ZNF319: variants seen among roughly 807,000 people sequenced by gnomAD.
ZNF319 encodes zinc finger protein 319.
Under a neutral mutation model 46.0 loss-of-function variants are expected in ZNF319, and 15 were observed. The ratio of observed to expected loss-of-function variants is 0.33; its 90% confidence interval spans 0.22 to 0.50. The LOEUF (loss-of-function observed/expected upper bound fraction) is 0.50. Among genes scored for constraint, ZNF319 ranks in the 20% least tolerant of loss-of-function variants. The pLI, the probability that ZNF319 is intolerant of heterozygous loss-of-function variation, is 0.98. For missense variants in ZNF319, 635 were observed against 807.0 expected (o/e 0.79, Z 2.58); for synonymous variants, 368 against 364.0 (o/e 1.01, Z -0.13).
chr16:58,000,420 G>A lies in ZNF319; in HGVS notation c.-1185C>T, dbSNP rs1395477863. ...GCTCACCTGCTCCAGGCCGCCTGCAGGGCAGGCGCGGGGCGAGCGGCGACC... is the reference window on the plus strand; with the variant it reads ...GCTCACCTGCTCCAGGCCGCCTGCAAGGCAGGCGCGGGGCGAGCGGCGACC... On this transcript the variant is annotated 5_prime_UTR_variant, in exon 1 of 2. Transcript: ENST00000299237. This position sits in a 1 kb window ranked among gnomAD's most constrained non-coding sequence, Gnocchi z 4.5. 6.7e-6 allele frequency: 1 copy of A among 150,286 alleles called. No homozygotes were observed. The highest frequency in any genetic ancestry group is 1.5e-5 in the Non-Finnish European group (1 of 67,318). The allele number at this position is 150,286 out of a possible 1,614,324, so 9.3% of individuals were successfully genotyped here.
At position 57,996,404 on chromosome 16, in the gene ZNF319, C is replaced by G; in HGVS notation, c.*113G>C. The G allele has an allele frequency of 2.1e-6, 3 of 1,431,222 alleles. No individual in the cohort carries two copies. Among genetic ancestry groups the G allele is most frequent in the Non-Finnish European group, 1.8e-6 (2 of 1,096,864 alleles). 88.7% of individuals were successfully genotyped at this position (1,431,222 alleles called of 1,614,324 possible). A position where few individuals can be genotyped will look rare whatever the true frequency, so the allele number is the denominator to read the frequency against. Reference sequence around the variant, plus strand: ...CCTCACTCCCGAGGTCTCAGAACACCGAGCTGGGTGGGGCCCTTGGTGCAA... The same window carrying G: ...CCTCACTCCCGAGGTCTCAGAACACGGAGCTGGGTGGGGCCCTTGGTGCAA... On this transcript the variant is annotated 3_prime_UTR_variant, in exon 2 of 2. Transcript: ENST00000299237.
Position 57,998,151 on chromosome 16 carries a change from C to T in ZNF319, c.115G>A (p.Gly39Ser). 2 of 1,578,564 alleles carry T rather than the reference C, an allele frequency of 1.3e-6. No homozygotes were observed. The highest frequency in any genetic ancestry group is 1.7e-6 in the Non-Finnish European group (2 of 1,158,018). Residue 39 changes from glycine to serine, a missense_variant, in exon 2 of 2, where the codon GGC (glycine) becomes AGC (serine). Physicochemically the swap from Gly to Ser is moderately conservative, Grantham distance 56. Coordinates refer to ENST00000299237, the MANE Select transcript of ZNF319 (RefSeq NM_020807.3). ...CAGCCCAGGGGGTTCTCCGCCGTGCCCGGAGGCAGCGTGTGCTCTGCCAGG... is the reference window on the plus strand; with the variant it reads ...CAGCCCAGGGGGTTCTCCGCCGTGCTCGGAGGCAGCGTGTGCTCTGCCAGG... ...PALAEHTLPP[G>S]TAENPLGCAV... is the part of the protein sequence containing the mutation.
Position 58,000,305 on chromosome 16 carries a change from G to A in ZNF319, c.-1070C>T, listed in dbSNP as rs1389717844. On this transcript the variant is annotated 5_prime_UTR_variant, in exon 1 of 2. Transcript: ENST00000299237. This position sits in a 1 kb window ranked among gnomAD's most constrained non-coding sequence, Gnocchi z 4.5. ...GCTCAAGAGGCCGCTAGGTCGCGGC[G>A]GAGGGGCGCGGGGGGGCGGCCGGGC... The A allele has an allele frequency of 1.3e-5, 2 of 151,952 alleles. No individual in the cohort carries two copies. Among genetic ancestry groups the A allele is most frequent in the Non-Finnish European group, 2.9e-5 (2 of 67,912 alleles). 9.4% of individuals were successfully genotyped at this position (151,952 alleles called of 1,614,324 possible). A position where few individuals can be genotyped will look rare whatever the true frequency, so the allele number is the denominator to read the frequency against.
In ZNF319 at chr16:57,998,018, T is replaced by C; in HGVS notation, c.248A>G (p.His83Arg). Residue 83 changes from histidine (H) to arginine (R), a missense_variant, in exon 2 of 2, where the codon CAC becomes CGC. By Grantham distance (29) the His-to-Arg change is conservative. Around this residue, in one of 3 missense-constraint regions of ZNF319, gnomAD observed 227 missense variants for 277.5 expected, o/e 0.82. Coordinates refer to ENST00000299237, the MANE Select transcript of ZNF319 (RefSeq NM_020807.3). The stretch of plus-strand genomic sequence containing the variant: ...CGGACTGGACAGGTGCGCCAGGTCG[T>C]GACCACACACGCCACATTTGGGGCC... ...EPGPKCGVCGHDLAHLSSPHE... is the reference protein window; with the variant it reads ...EPGPKCGVCGRDLAHLSSPHE... The C allele has an allele frequency of 6.2e-7, 1 of 1,612,268 alleles. No homozygotes were observed.
rs1174701076 is a variant in ZNF319, at chr16:57,996,547, G to A, written c.1719C>T (p.Gly573=). The A allele has an allele frequency of 3.2e-6, 5 of 1,550,110 alleles. No homozygotes were observed. Among genetic ancestry groups the A allele is most frequent in the South Asian group, 1.2e-5 (1 of 85,388 alleles). ...QHSAAAAAAE[G]AYQVAACLP is the part of the protein sequence containing the mutation. ...GCAGGCAGGCGGCTACCTGGTAGGCGCCCTCCGCTGCCGCGGCGGCGGCAC... is the reference window on the plus strand; with the variant it reads ...GCAGGCAGGCGGCTACCTGGTAGGCACCCTCCGCTGCCGCGGCGGCGGCAC... The change falls in exon 2 of 2, where the codon GGC becomes GGT. Residue 573 remains glycine (G), a synonymous_variant. Transcript: ENST00000299237.
rs767385411 is a variant in ZNF319 at position 57,998,286 on chromosome 16, G to T, written c.-21C>A. The T allele has an allele frequency of 1.3e-6, 2 of 1,515,458 alleles. No individual in the cohort carries two copies. Among genetic ancestry groups the T allele is most frequent in the Non-Finnish European group, 1.8e-6 (2 of 1,132,064 alleles). 93.9% of individuals were successfully genotyped at this position (1,515,458 alleles called of 1,614,324 possible). ...GACATGCTTGGGAAGATGAAACAGG[G>T]TTTGGAGAGTAATGGCTTCAGTTTC... On this transcript the variant is annotated 5_prime_UTR_variant, in exon 2 of 2. Transcript: ENST00000299237.
Position 57,997,429 on chromosome 16 carries a change from C to T in ZNF319, c.837G>A (p.Ala279=), listed in dbSNP as rs914247501. The T allele has an allele frequency of 6.2e-7, 1 of 1,612,474 alleles. No individual in the cohort carries two copies. Among genetic ancestry groups the T allele is most frequent in the African/African-American group, 1.3e-5 (1 of 74,818 alleles). Residue 279 remains alanine (A), a synonymous_variant, in exon 2 of 2, where the codon GCG becomes GCA. Coordinates refer to ENST00000299237, the MANE Select transcript of ZNF319 (RefSeq NM_020807.3). Reference sequence around the variant, plus strand: ...GGAACAGGTGGTGCTCGCCCGAGTGCGCGTACATGTGGCGCACCAGGTGAG... The same window carrying T: ...GGAACAGGTGGTGCTCGCCCGAGTGTGCGTACATGTGGCGCACCAGGTGAG... The part of the protein sequence containing the change: ...HRSHLVRHMY[A]HSGEHHLFRC...
At position 57,997,912 on chromosome 16, in the gene ZNF319, G is replaced by T. The variant is rs748800123; in HGVS notation, c.354C>A (p.Asp118Glu). The T allele has an allele frequency of 6.2e-7, 1 of 1,613,594 alleles. No individual in the cohort carries two copies. Among genetic ancestry groups the T allele is most frequent in the South Asian group, 1.1e-5 (1 of 91,088 alleles). ...QCLKIFHQAT[D>E]LLEHQCVQAE... is the part of the protein sequence containing the mutation. ...CCTGCACGCACTGGTGCTCCAGCAG[G>T]TCAGTGGCCTGGTGGAAGATCTTGA... The change falls in exon 2 of 2, where the codon GAC becomes GAA. Residue 118 changes from aspartate (D) to glutamate (E), a missense_variant. Around this residue, in one of 3 missense-constraint regions of ZNF319, gnomAD observed 227 missense variants for 277.5 expected, o/e 0.82. Coordinates refer to ENST00000299237, the MANE Select transcript of ZNF319 (RefSeq NM_020807.3).
At chr16:57,998,717 G>A (rs931713683) in intron 1 of ZNF319, among the ~76,000 whole-genome samples, 195 bp from the exon 2 acceptor site, 1 of 152,180 alleles carries the variant, frequency 6.6e-6, no homozygotes, top group African/African-American at 2.4e-5. Context: ...CCTCCAGGCA[G>A]AGGAAATGGC....
At chr16:57,999,273 A>ACACACAC (rs1567413950) in intron 1 of ZNF319, among the ~76,000 whole-genome samples, 3 of 151,676 alleles carry the variant, frequency 2.0e-5, no homozygotes, top group African/African-American at 4.9e-5. Flanking sequence ...ACACACACAC[A>ACACACAC]AAGTCCTAAA....
At position 57,996,344 on chromosome 16, in the gene ZNF319, G is replaced by C. The variant is rs1159590668; in HGVS notation, c.*173C>G. 2 of 1,334,450 alleles carry C rather than the reference G, an allele frequency of 1.5e-6. No homozygotes were observed. The highest frequency in any genetic ancestry group is 3.0e-5 in the African/African-American group (2 of 67,612). 82.7% of individuals were successfully genotyped at this position (1,334,450 alleles called of 1,614,324 possible). A position where few individuals can be genotyped will look rare whatever the true frequency, so the allele number is the denominator to read the frequency against. On this transcript the variant is annotated 3_prime_UTR_variant, in exon 2 of 2. Transcript: ENST00000299237. ...CTGCCCGCTGGTGCCAGGAGTACGA[G>C]CGGCACACCCTCTCCCTGCCTCATA...
Position 57,998,382 on chromosome 16 carries a change from G to C in ZNF319, c.-117C>G. 6.7e-7 allele frequency: 1 copy of C among 1,486,992 alleles called. No homozygotes were observed. Among genetic ancestry groups the C allele is most frequent in the Non-Finnish European group, 9.0e-7 (1 of 1,113,992 alleles). 92.1% of individuals were successfully genotyped at this position (1,486,992 alleles called of 1,614,324 possible). A position where few individuals can be genotyped will look rare whatever the true frequency, so the allele number is the denominator to read the frequency against. ...GAGATGGACAAGGACCTCAGACAAGGCACAGAAGAGGGGCTGGTCAGACAG... is the reference window on the plus strand; with the variant it reads ...GAGATGGACAAGGACCTCAGACAAGCCACAGAAGAGGGGCTGGTCAGACAG... On this transcript the variant is annotated 5_prime_UTR_variant, in exon 2 of 2. Transcript: ENST00000299237.
chr16:57,997,494 A>G lies in ZNF319; in HGVS notation c.772T>C (p.Tyr258His). 4.3e-6 allele frequency: 7 copies of G among 1,613,880 alleles called. No homozygotes were observed. Among genetic ancestry groups the G allele is most frequent in the Non-Finnish European group, 5.9e-6 (7 of 1,179,926 alleles). ...GTCTTCTCGCAGACTGCGCACTTGT[A>G]GGGCCGCTCGGAGCTGTGCGTGCGC... ...HKRTHSSERP[Y>H]KCAVCEKTFK... is the part of the protein sequence containing the mutation. The change falls in exon 2 of 2, where the codon TAC becomes CAC. Residue 258 changes from tyrosine (Y) to histidine (H), a missense_variant. By Grantham distance (83) the Tyr-to-His change is moderately conservative. This residue lies in a region of ZNF319 where 138 missense variants were observed against 248.0 expected (regional missense o/e 0.56). Coordinates refer to ENST00000299237, the MANE Select transcript of ZNF319 (RefSeq NM_020807.3).
chr16:57,998,380 A>C lies in ZNF319; in HGVS notation c.-115T>G. On this transcript the variant is annotated 5_prime_UTR_variant, in exon 2 of 2. Transcript: ENST00000299237. ...CAGAGATGGACAAGGACCTCAGACA[A>C]GGCACAGAAGAGGGGCTGGTCAGAC... 6.7e-7 allele frequency: 1 copy of C among 1,492,826 alleles called. No individual in the cohort carries two copies. The highest frequency in any genetic ancestry group is 2.3e-5 in the East Asian group (1 of 43,630). 92.5% of individuals were successfully genotyped at this position (1,492,826 alleles called of 1,614,324 possible). A position where few individuals can be genotyped will look rare whatever the true frequency, so the allele number is the denominator to read the frequency against.
At position 57,997,415 on chromosome 16, in the gene ZNF319, T is replaced by G. The variant is rs1283678225; in HGVS notation, c.851A>C (p.His284Pro). 1.2e-6 allele frequency: 2 copies of G among 1,612,714 alleles called. No homozygotes were observed. Among genetic ancestry groups the G allele is most frequent in the Non-Finnish European group, 8.5e-7 (1 of 1,179,560 alleles). ...GCACACGTTGCAGCGGAACAGGTGG[T>G]GCTCGCCCGAGTGCGCGTACATGTG... The part of the protein sequence containing the change: ...VRHMYAHSGE[H>P]HLFRCNVCEL... The change falls in exon 2 of 2, where the codon CAC (histidine) becomes CCC (proline). Residue 284 changes from histidine (H) to proline (P), a missense_variant. Around this residue, in one of 3 missense-constraint regions of ZNF319, gnomAD observed 138 missense variants for 248.0 expected, o/e 0.56. Transcript: ENST00000299237.
rs1203960687 is a variant in ZNF319, at chr16:57,999,529, G to T, written c.-294C>A. The T allele has an allele frequency of 6.6e-6, 1 of 152,254 alleles. No homozygotes were observed. The highest frequency in any genetic ancestry group is 1.5e-5 in the Non-Finnish European group (1 of 68,058). 9.4% of individuals were successfully genotyped at this position (152,254 alleles called of 1,614,324 possible). ...AGCATGAGGTAATGCCAGCGAGAGG[G>T]AGGAACTTTCAGAGTCAGATGCAAC... On this transcript the variant is annotated 5_prime_UTR_variant, in exon 1 of 2. Transcript: ENST00000299237.
Position 57,997,691 on chromosome 16 carries a change from A to T in ZNF319, c.575T>A (p.Val192Asp), listed in dbSNP as rs369144638. 6.2e-7 allele frequency: 1 copy of T among 1,613,862 alleles called. No individual in the cohort carries two copies. Among genetic ancestry groups the T allele is most frequent in the Admixed American group, 1.7e-5 (1 of 60,024 alleles). ...SLPAAPAPST[V>D]TPAEQADKPY... The stretch of plus-strand genomic sequence containing the variant: ...CTTGTCGGCCTGTTCAGCAGGGGTG[A>T]CAGTGGAAGGCGCGGGTGCTGCGGG... Residue 192 changes from valine to aspartate, a missense_variant, in exon 2 of 2, where the codon GTC becomes GAC. Coordinates refer to ENST00000299237, the MANE Select transcript of ZNF319 (RefSeq NM_020807.3).
rs1567412069 is a variant in ZNF319, at chr16:57,996,917, TG to T, written c.1348del (p.His450ThrfsTer103). The T allele has an allele frequency of 6.2e-7, 1 of 1,601,392 alleles. No individual in the cohort carries two copies. On this transcript the variant is annotated frameshift_variant, in exon 2 of 2. Transcript: ENST00000299237. LOFTEE classifies it high-confidence loss of function. ...CAGGGGCTTCTCTGCCGCCGCACAG[TG>T]GGCCAGCTGGTGCTTCTGCAGGGCC... is the stretch of plus-strand genomic sequence containing the variant. The part of the protein sequence containing the change: ...ASALQKHQLA[H>X]CAAAEKPLRC...
Position 57,996,364 on chromosome 16 carries a change from C to A in ZNF319, c.*153G>T. On this transcript the variant is annotated 3_prime_UTR_variant, in exon 2 of 2. Coordinates refer to ENST00000299237, the MANE Select transcript of ZNF319 (RefSeq NM_020807.3). ...TACGAGCGGCACACCCTCTCCCTGC[C>A]TCATACCCCTGCGTCCTCACTCCCG... is the stretch of plus-strand genomic sequence containing the variant. The A allele has an allele frequency of 7.1e-7, 1 of 1,408,016 alleles. No homozygotes were observed. Among genetic ancestry groups the A allele is most frequent in the Non-Finnish European group, 9.3e-7 (1 of 1,078,770 alleles). 87.2% of individuals were successfully genotyped at this position (1,408,016 alleles called of 1,614,324 possible).
Sources: allele counts gnomAD v4.1 joint callset (sites outside exome capture counted in the v4.1 genomes callset), GRCh38; gene constraint gnomAD v4.1.1; regional missense constraint gnomAD v4.1.1; non-coding constraint Gnocchi (gnomAD v3.1); transcripts MANE v1.5; gene names NCBI Gene and HGNC (gene_info 2026-07-23, HGNC 2026-07-21).